VLDLR: variants seen among roughly 807,000 people sequenced by gnomAD.
VLDLR encodes very low density lipoprotein receptor.
In VLDLR, 81 loss-of-function variants were observed where a neutral mutation model predicts 112.7. That is an observed-to-expected ratio of 0.72 (90% CI 0.60 to 0.86). The LOEUF (loss-of-function observed/expected upper bound fraction) is 0.86. Among genes scored for constraint, VLDLR ranks in the 40% least tolerant of loss-of-function variants. VLDLR has a pLI of 0.00. For missense variants in VLDLR, 1,237 were observed against 1,099.4 expected, an observed-to-expected ratio of 1.13 and a Z score of -1.77; for synonymous variants, 436 against 384.8, an observed-to-expected ratio of 1.13 and a Z score of -1.56.
intron 1 of VLDLR, among the ~76,000 whole-genome samples, chr9:2,633,051 A>AGAGAGAGAGAGAGAGTGTGT: frequency 8.7e-6 from 1 of 115,466 alleles, no homozygotes; most frequent in African/African-American, 3.3e-5. Flanking sequence ...AGAGAGAGAG[A>AGAGAGAGAGAGAGAGTGTGT]GTGTGTGTGT....
rs1455167470 is a variant in VLDLR at position 2,652,797 on chromosome 9, G to A, written c.2434G>A (p.Ala812Thr). 1.2e-6 allele frequency: 2 copies of A among 1,614,110 alleles called. No homozygotes were observed. Among genetic ancestry groups the A allele is most frequent in the South Asian group, 1.1e-5 (1 of 91,076 alleles). ...ILPLLLLVMA[A>T]VGGYLMWRNW... ...TTTTTCAGTGCTCTTAGTGATGGCA[G>A]CAGTAGGTGGCTACTTGATGTGGCG... The change falls in exon 18 of 19, where the codon GCA becomes ACA. Residue 812 changes from alanine to threonine, a missense_variant. By Grantham distance (58) the Ala-to-Thr change is moderately conservative (BLOSUM62 0). Coordinates refer to ENST00000382100, the MANE Select transcript of VLDLR (RefSeq NM_003383.5).
At chr9:2,649,903 T>A (rs1326982073) in intron 14 of VLDLR, among the ~76,000 whole-genome samples, 1 of 152,046 alleles carries the variant, frequency 6.6e-6, no homozygotes, top group Non-Finnish European at 1.5e-5. Flanking sequence ...ACACATCGGG[T>A]TATATTATCT....
rs1299453899 is a variant in VLDLR at position 2,643,623 on chromosome 9, T to G, written c.821-5T>G. On this transcript the variant is annotated splice_region_variant and splice_polypyrimidine_tract_variant and intron_variant, in intron 5 of 18. Coordinates refer to ENST00000382100, the MANE Select transcript of VLDLR (RefSeq NM_003383.5). ...TTCATTCCATGGTGTTTCCTCCCTTTGTAGCCTCTCGAACTTGCCGACCTG... is the reference window on the plus strand; with the variant it reads ...TTCATTCCATGGTGTTTCCTCCCTTGGTAGCCTCTCGAACTTGCCGACCTG... 1 of 1,614,218 alleles carries G rather than the reference T, an allele frequency of 6.2e-7. No homozygotes were observed. The highest frequency in any genetic ancestry group is 2.2e-5 in the East Asian group (1 of 44,878).
Position 2,648,665 on chromosome 9 carries a change from T to C in VLDLR, c.1963-4T>C, listed in dbSNP as rs928652757. ...TACATGCTAATTGTGGGCTTCTGTT[T>C]TAGGATCGTGTCTACTGGATAGATG... On this transcript the variant is annotated splice_polypyrimidine_tract_variant and splice_region_variant and intron_variant, in intron 13 of 18. Coordinates refer to ENST00000382100, the MANE Select transcript of VLDLR (RefSeq NM_003383.5). 2.5e-6 allele frequency: 4 copies of C among 1,614,084 alleles called. No homozygotes were observed. The African/African-American group carries it at 4.0e-5, about 16-fold the overall frequency.
At chr9:2,647,687 A>T in intron 12 of VLDLR, 95 bp downstream of exon 12, 4 of 1,099,870 alleles carry the variant, frequency 3.6e-6, no homozygotes, top group Non-Finnish European at 4.2e-6. Flanking sequence ...AGATGACTCT[A>T]CTGCTTCCGC....
intron 12 of VLDLR, chr9:2,647,802 G>C: frequency 1.6e-6 from 1 of 638,060 alleles, no homozygotes; most frequent in South Asian, 1.8e-5. Flanking sequence ...TGTCCAGCTG[G>C]GCCTAATATG....
In VLDLR at chr9:2,645,705, A is replaced by G; in HGVS notation, c.1444A>G (p.Lys482Glu). Reference protein sequence around the residue: ...VALDADIAAQKLFWADLSQKA... With the variant: ...VALDADIAAQELFWADLSQKA... ...TCTCGATGCTGACATTGCTGCCCAGAAACTATTCTGGGCCGATCTAAGCCA... is the reference window on the plus strand; with the variant it reads ...TCTCGATGCTGACATTGCTGCCCAGGAACTATTCTGGGCCGATCTAAGCCA... Residue 482 changes from lysine to glutamate, a missense_variant, in exon 10 of 19, where the codon AAA becomes GAA. By Grantham distance (56) the Lys-to-Glu change is moderately conservative (BLOSUM62 1). Transcript: ENST00000382100. 3.1e-6 allele frequency: 5 copies of G among 1,614,214 alleles called. No homozygotes were observed. The highest frequency in any genetic ancestry group is 4.2e-6 in the Non-Finnish European group (5 of 1,180,030).
intron 16 of VLDLR, 93 bp downstream of exon 16, chr9:2,651,591 T>C (rs1267329587): frequency 8.4e-7 from 1 of 1,191,658 alleles, no homozygotes; most frequent in African/African-American, 1.5e-5. Context: ...CTTTAACTAC[T>C]ATTTCTGCCC....
chr9:2,651,460 C>G lies in VLDLR; in HGVS notation c.2297C>G (p.Thr766Arg). Residue 766 changes from threonine to arginine, a missense_variant, in exon 16 of 19, where the codon ACA becomes AGA. Physicochemically the swap from Thr to Arg is moderately conservative, Grantham distance 71 (BLOSUM62 -1). Coordinates refer to ENST00000382100, the MANE Select transcript of VLDLR (RefSeq NM_003383.5). ...VTYSETKDTNTTEISATSGLV... is the reference protein window; with the variant it reads ...VTYSETKDTNRTEISATSGLV... ...TACAGTGAGACAAAAGATACGAACA[C>G]AACAGAAATTTCAGCAACTAGTGGA... The G allele has an allele frequency of 2.5e-6, 4 of 1,613,986 alleles. No homozygotes were observed. Among genetic ancestry groups the G allele is most frequent in the Non-Finnish European group, 2.5e-6 (3 of 1,179,950 alleles).
At chr9:2,645,210 T>C in intron 9 of VLDLR, 128 bp downstream of exon 9, 5 of 1,379,178 alleles carry the variant, frequency 3.6e-6, no homozygotes, top group Middle Eastern at 2.0e-4. Context: ...GCTAACCTCA[T>C]AATACAGCAG....
chr9:2,646,577 G>T, intron 11 of VLDLR, 25 bp downstream of exon 11: 1 of 1,609,538 alleles, frequency 6.2e-7, no homozygotes, highest in South Asian at 1.1e-5. Context: ...TTCCATCACA[G>T]ACTTTGGAAT....
intron 1 of VLDLR, among the ~76,000 whole-genome samples, chr9:2,633,220 T>C (rs537162192): frequency 6.6e-6 from 1 of 152,300 alleles, no homozygotes; most frequent in South Asian, 2.1e-4. Flanking sequence ...TAGTAGAAAA[T>C]GCTGATGCCT....
intron 1 of VLDLR, among the ~76,000 whole-genome samples, chr9:2,631,178 G>C (rs999185832): frequency 1.3e-5 from 2 of 152,178 alleles, no homozygotes; most frequent in Non-Finnish European, 2.9e-5. Context: ...ATGTTGCTGA[G>C]GATATGGAGA....
intron 18 of VLDLR, 145 bp from the exon 19 acceptor site, chr9:2,653,688 A>G: frequency 1.2e-6 from 1 of 820,084 alleles, no homozygotes. Context: ...GATACAACTC[A>G]GTATTCTTTT....
intron 7 of VLDLR, among the ~76,000 whole-genome samples, chr9:2,644,212 G>C (rs1247586423): frequency 7.3e-6 from 1 of 137,036 alleles, no homozygotes; most frequent in African/African-American, 2.8e-5. Flanking sequence ...AGGCTGGAGT[G>C]CAATGATGCA....
At chr9:2,623,501 G>T (rs1816935823) in intron 1 of VLDLR, among the ~76,000 whole-genome samples, 1 of 152,240 alleles carries the variant, frequency 6.6e-6, no homozygotes, top group South Asian at 2.1e-4. Context: ...TGCTCCTGAA[G>T]TGAGAGCGAA....
intron 2 of VLDLR, 130 bp from the exon 3 acceptor site, chr9:2,639,729 G>A: frequency 7.7e-7 from 1 of 1,299,152 alleles, no homozygotes; most frequent in Non-Finnish European, 1.1e-6. Flanking sequence ...CTGGATATTG[G>A]CAGTTGAGTG....
chr9:2,648,877 G>A, intron 14 of VLDLR, 67 bp downstream of exon 14: 1 of 1,600,808 alleles, frequency 6.2e-7, no homozygotes, highest in South Asian at 1.1e-5. Flanking sequence ...GAACCTGCTG[G>A]ATGTCAGTAG....
intron 15 of VLDLR, 42 bp downstream of exon 15, chr9:2,650,558 A>C: frequency 6.2e-7 from 1 of 1,609,580 alleles, no homozygotes. Flanking sequence ...AACCTACAAC[A>C]AGCAATATAA....
Sources: gnomAD v4.1 joint callset for allele counts (sites outside exome capture counted in the v4.1 genomes callset) on GRCh38, gnomAD v4.1.1 for gene constraint, MANE v1.5 for transcripts, NCBI Gene and HGNC (gene_info 2026-07-23, HGNC 2026-07-21) for gene names.